Variants in SMCHD1 observed in about 807,000 individuals in gnomAD.
The protein encoded by SMCHD1 is structural maintenance of chromosomes flexible hinge domain containing 1, also known as structural maintenance of chromosomes flexible hinge domain-containing protein 1.
In SMCHD1, 78 loss-of-function variants were observed where a neutral mutation model predicts 254.7. That is an observed-to-expected ratio of 0.31 (90% CI 0.26 to 0.37). SMCHD1 has a LOEUF of 0.37. Ranked by LOEUF, SMCHD1 falls within the 10% of genes least tolerant of loss-of-function variation. The probability of loss-of-function intolerance (pLI) is 1.00; values close to 1 mark genes in which losing one functional copy is unlikely to be tolerated. For missense variants in SMCHD1, 1,840 were observed against 2,408.1 expected (o/e 0.76, Z 4.94); for synonymous variants, 766 against 794.9 (o/e 0.96, Z 0.61).
chr18:2,780,979 A>T (rs2076148590), intron 44 of SMCHD1, among the ~76,000 whole-genome samples: 1 of 152,242 alleles, frequency 6.6e-6, no homozygotes, highest in Non-Finnish European at 1.5e-5. Context: ...TCTAAGTGGA[A>T]GTGGGAACCT....
Position 2,688,733 on chromosome 18 carries a change from A to G in SMCHD1, c.859A>G (p.Ile287Val). ...KNKEAIYSGY[I>V]RNRKPSDSVH... ...TAAAGAGGCAATATATAGTGGATAT[A>G]TTAGAAACAGAAAGGTACAATACAT... Residue 287 changes from isoleucine (I) to valine (V), a missense_variant, in exon 7 of 48, where the codon ATT becomes GTT. This residue lies in a region of SMCHD1 where 498 missense variants were observed against 743.5 expected (regional missense o/e 0.67). Transcript: ENST00000320876. The G allele has an allele frequency of 7.2e-7, 1 of 1,382,754 alleles. No homozygotes were observed. The highest frequency in any genetic ancestry group is 1.0e-6 in the Non-Finnish European group (1 of 1,003,824). The allele number at this position is 1,382,754 out of a possible 1,614,324, so 85.7% of individuals were successfully genotyped here. A position where few individuals can be genotyped will look rare whatever the true frequency, so the allele number is the denominator to read the frequency against.
At chr18:2,689,500 C>T (rs1189978301) in intron 7 of SMCHD1, among the ~76,000 whole-genome samples, 8 of 151,920 alleles carry the variant, frequency 5.3e-5, no homozygotes, top group African/African-American at 1.9e-4. Flanking sequence ...GGATTACAGA[C>T]GTGAGCCACC....
chr18:2,771,660 C>CT, intron 40 of SMCHD1, 42 bp downstream of exon 40: 1 of 1,396,096 alleles, frequency 7.2e-7, no homozygotes, highest in Admixed American at 2.7e-5. Context: ...TTATTAAAGT[C>CT]TATTCTACAA....
chr18:2,733,526 T>G (rs2075183907), intron 25 of SMCHD1, among the ~76,000 whole-genome samples: 2 of 152,236 alleles, frequency 1.3e-5, no homozygotes, highest in African/African-American at 4.8e-5. Context: ...CGTGGCTCAT[T>G]AACACATAGT....
In SMCHD1 at chr18:2,728,522, T is replaced by C. The variant is rs772474961; in HGVS notation, c.2839T>C (p.Phe947Leu). The C allele has an allele frequency of 6.2e-7, 1 of 1,613,256 alleles. No individual in the cohort carries two copies. Among genetic ancestry groups the C allele is most frequent in the Admixed American group, 1.7e-5 (1 of 59,982 alleles). Residue 947 changes from phenylalanine to leucine, a missense_variant, in exon 23 of 48, where the codon TTC (phenylalanine) becomes CTC (leucine). Phe to Leu is a conservative substitution (Grantham distance 22). Transcript: ENST00000320876. ...EILVIENGTA[F>L]PFQVEVLDES... ...TTTAGTTATAGAAAATGGAACAGCTTTCCCATTTCAGGTGGAAGTTTTAGA... is the reference window on the plus strand; with the variant it reads ...TTTAGTTATAGAAAATGGAACAGCTCTCCCATTTCAGGTGGAAGTTTTAGA...
intron 25 of SMCHD1, 84 bp downstream of exon 25, chr18:2,732,576 G>T (rs564471371): frequency 2.6e-5 from 21 of 802,038 alleles, no homozygotes; most frequent in Non-Finnish European, 3.6e-5. Context: ...TTTATGGGTA[G>T]CATCTAAAAA....
At chr18:2,763,972 A>G in intron 37 of SMCHD1, 183 bp downstream of exon 37, 1 of 530,840 alleles carries the variant, frequency 1.9e-6, no homozygotes, top group Admixed American at 4.3e-5. Flanking sequence ...CTTTATAAGT[A>G]AGACTCTCGT....
intron 23 of SMCHD1, 37 bp downstream of exon 23, chr18:2,728,633 T>C (rs2075071377): frequency 6.3e-7 from 1 of 1,594,022 alleles, no homozygotes; most frequent in South Asian, 1.1e-5. Flanking sequence ...TGAGTCCCAT[T>C]GTAGTAAGTG....
Position 2,673,298 on chromosome 18 carries a change from T to C in SMCHD1, c.442T>C (p.Leu148=). Residue 148 remains leucine, a synonymous_variant, in exon 4 of 48, where the codon TTA becomes CTA. Coordinates refer to ENST00000320876, the MANE Select transcript of SMCHD1 (RefSeq NM_015295.3). ...QNPLPFALAE[L]IDNSLSATSR... is the part of the protein sequence containing the mutation. The stretch of plus-strand genomic sequence containing the variant: ...TCTTGCAGCATTTGCTCTTGCGGAA[T>C]TAATTGACAATTCATTGTCTGCTAC... 6.3e-7 allele frequency: 1 copy of C among 1,593,350 alleles called. No homozygotes were observed. The highest frequency in any genetic ancestry group is 8.6e-7 in the Non-Finnish European group (1 of 1,165,306).
At position 2,697,059 on chromosome 18, in the gene SMCHD1, C is replaced by T. The variant is rs2143145282; in HGVS notation, c.1068C>T (p.Gly356=). Residue 356 remains glycine, a synonymous_variant, in exon 9 of 48, where the codon GGC becomes GGT. Transcript: ENST00000320876. ...LAHIYHYYIH[G]PKGNEIRTSK... Reference sequence around the variant, plus strand: ...ATATTTATCACTACTATATTCATGGCCCAAAAGGAAATGAAATACGAACAT... The same window carrying T: ...ATATTTATCACTACTATATTCATGGTCCAAAAGGAAATGAAATACGAACAT... 2.0e-6 allele frequency: 3 copies of T among 1,498,390 alleles called. No homozygotes were observed. The highest frequency in any genetic ancestry group is 2.2e-5 in the Admixed American group (1 of 44,742). 92.8% of individuals were successfully genotyped at this position (1,498,390 alleles called of 1,614,324 possible). A position where few individuals can be genotyped will look rare whatever the true frequency, so the allele number is the denominator to read the frequency against.
At chr18:2,729,823 C>T (rs1258630297) in intron 24 of SMCHD1, among the ~76,000 whole-genome samples, 1 of 151,912 alleles carries the variant, frequency 6.6e-6, no homozygotes, top group Non-Finnish European at 1.5e-5. Flanking sequence ...ATGTGCTCAC[C>T]TCAGCCTCCC....
At chr18:2,731,411 T>A (rs2075137279) in intron 24 of SMCHD1, among the ~76,000 whole-genome samples, 1 of 152,234 alleles carries the variant, frequency 6.6e-6, no homozygotes, top group African/African-American at 2.4e-5. Flanking sequence ...TGTAGAACAC[T>A]GGTATGCCAA....
At chr18:2,725,722 A>C (rs1033864324) in intron 21 of SMCHD1, among the ~76,000 whole-genome samples, 12 of 151,744 alleles carry the variant, frequency 7.9e-5, no homozygotes, top group African/African-American at 2.9e-4. Flanking sequence ...CAAGTCAAAA[A>C]TTGAGTTCTT....
At chr18:2,732,212 G>A in intron 24 of SMCHD1, 53 bp from the exon 25 acceptor site, 1 of 1,399,166 alleles carries the variant, frequency 7.1e-7, no homozygotes, top group South Asian at 1.3e-5. Context: ...CTTCAGGAGT[G>A]TAAAATTTCA....
intron 7 of SMCHD1, chr18:2,691,877 A>C (rs2074188009): frequency 6.6e-6 from 1 of 152,284 alleles, no homozygotes; most frequent in Non-Finnish European, 1.5e-5. Flanking sequence ...CAATTGCTCC[A>C]AAACTGGAAA....
intron 25 of SMCHD1, among the ~76,000 whole-genome samples, chr18:2,737,111 T>C (rs2075266046): frequency 2.6e-5 from 4 of 152,130 alleles, no homozygotes; most frequent in Admixed American, 2.0e-4. Context: ...CCTAAGTGAA[T>C]TAATGCAGGA....
chr18:2,751,848 G>A (rs1245752920), intron 33 of SMCHD1, among the ~76,000 whole-genome samples: 5 of 152,044 alleles, frequency 3.3e-5, no homozygotes, highest in Non-Finnish European at 7.4e-5. Flanking sequence ...AAAGAAATAA[G>A]TAAAATTCTA....
chr18:2,666,291 A>G, intron 2 of SMCHD1, 59 bp downstream of exon 2: 1 of 771,868 alleles, frequency 1.3e-6, no homozygotes, highest in Non-Finnish European at 2.1e-6. Flanking sequence ...TAGTACATAT[A>G]TAGCAATAAC....
At chr18:2,772,686 G>A (rs746120865) in intron 41 of SMCHD1, among the ~76,000 whole-genome samples, 1 of 152,196 alleles carries the variant, frequency 6.6e-6, no homozygotes, top group African/African-American at 2.4e-5. Flanking sequence ...GCTGGAGTAC[G>A]ATGGTAAGAC....
Sources: allele counts gnomAD v4.1 joint callset (sites outside exome capture counted in the v4.1 genomes callset), GRCh38; gene constraint gnomAD v4.1.1; regional missense constraint gnomAD v4.1.1; transcripts MANE v1.5; gene names NCBI Gene and HGNC (gene_info 2026-07-23, HGNC 2026-07-21).